ANK3: variants seen among roughly 807,000 people sequenced by gnomAD.
The protein encoded by ANK3 is ankyrin 3.
In ANK3, 57 loss-of-function variants were observed where a neutral mutation model predicts 370.9. The ratio of observed to expected loss-of-function variants is 0.15; its 90% CI spans 0.12 to 0.19. ANK3 has a LOEUF of 0.19. Ranked by LOEUF, ANK3 falls within the 10% of genes least tolerant of loss-of-function variation. The probability of loss-of-function intolerance (pLI) is 1.00; values close to 1 mark genes in which losing one functional copy is unlikely to be tolerated. For missense variants in ANK3, 4,439 were observed against 5,302.1 expected (o/e 0.84, Z 5.06); for synonymous variants, 1,929 against 1,946.3 (o/e 0.99, Z 0.23).
chr10:60,286,974 A>G (rs1455144500), intron 1 of ANK3, among the ~76,000 whole-genome samples: 1 of 152,178 alleles, frequency 6.6e-6, no homozygotes. Flanking sequence ...CTCAGGACAG[A>G]CTTTTTTCCC....
intron 1 of ANK3, among the ~76,000 whole-genome samples, chr10:60,381,849 T>G (rs1164189048): frequency 6.6e-6 from 1 of 152,164 alleles, no homozygotes; most frequent in African/African-American, 2.4e-5. Context: ...CACAGCTAAT[T>G]AGTAGCAGCT....
intron 8 of ANK3, among the ~76,000 whole-genome samples, chr10:60,214,575 T>C (rs1011265400): frequency 1.3e-5 from 2 of 151,416 alleles, no homozygotes; most frequent in South Asian, 2.1e-4. Flanking sequence ...TGTGTTCTCA[T>C]TGTTCATCTC....
At chr10:60,568,750 T>A (rs2077520906) in intron 2 of ANK3, among the ~76,000 whole-genome samples, 1 of 152,136 alleles carries the variant, frequency 6.6e-6, no homozygotes, top group African/African-American at 2.4e-5. Context: ...CCCAAATTTA[T>A]ATGTTAAAAT....
In ANK3 at chr10:60,263,820, T is replaced by A; in HGVS notation, c.699+15A>T. The A allele has an allele frequency of 6.2e-7, 1 of 1,613,076 alleles. No individual in the cohort carries two copies. Among genetic ancestry groups the A allele is most frequent in the Non-Finnish European group, 8.5e-7 (1 of 1,179,830 alleles). On this transcript the variant is annotated intron_variant, in intron 6 of 43. Transcript: ENST00000280772. Reference sequence around the variant, plus strand: ...CGGAGAGTTGCATGACAGGCCCGTGTCCCTCGTGCCTCACCTTTGATTCCA... The same window carrying A: ...CGGAGAGTTGCATGACAGGCCCGTGACCCTCGTGCCTCACCTTTGATTCCA...
At chr10:60,197,028 C>G (rs1209959694) in intron 14 of ANK3, among the ~76,000 whole-genome samples, 1 of 152,136 alleles carries the variant, frequency 6.6e-6, no homozygotes, top group Non-Finnish European at 1.5e-5. Flanking sequence ...GGGTCCCAGA[C>G]TCAGTTTGGA....
chr10:60,285,482 A>T (rs1204228979), intron 1 of ANK3, among the ~76,000 whole-genome samples: 1 of 152,072 alleles, frequency 6.6e-6, no homozygotes, highest in East Asian at 1.9e-4. Flanking sequence ...CTCCTCTTGT[A>T]ATGTTTGACA....
chr10:60,590,741 T>TACTC (rs937849072), intron 2 of ANK3, among the ~76,000 whole-genome samples: 2 of 152,248 alleles, frequency 1.3e-5, no homozygotes, highest in Non-Finnish European at 2.9e-5. Context: ...GCATATAACC[T>TACTC]ACTCACATGT....
At chr10:60,640,607 C>T (rs1313731210) in intron 1 of ANK3, among the ~76,000 whole-genome samples, 3 of 80,388 alleles carry the variant, frequency 3.7e-5, no homozygotes, top group Non-Finnish European at 5.6e-5. Flanking sequence ...GCTAAAAACT[C>T]TCAATAAATT....
intron 2 of ANK3, among the ~76,000 whole-genome samples, chr10:60,593,764 A>G (rs1567169720): frequency 6.6e-6 from 1 of 152,210 alleles, no homozygotes; most frequent in Non-Finnish European, 1.5e-5. Flanking sequence ...GGTGAAGTGG[A>G]TGGTTGCCTC....
At chr10:60,409,393 G>A (rs192474000) in intron 2 of ANK3, among the ~76,000 whole-genome samples, 50 of 152,206 alleles carry the variant, frequency 3.3e-4, no homozygotes, top group Admixed American at 2.6e-3. Flanking sequence ...AGCTCATGGC[G>A]GAGAATATCA....
rs150812723 is a variant in ANK3, at chr10:60,126,581, G to A, written c.2841+7690C>T. 4.1e-3 allele frequency among the ~76,000 whole-genome samples: 620 copies of A among 151,950 alleles called. 6 individuals carry two copies. Among genetic ancestry groups the A allele is most frequent in the Non-Finnish European group, 4.8e-3 (325 of 67,930 alleles). ...TGCATGGTTGTAATCCTAGCTACTG[G>A]GGAGGCTGAGGCATGAAAACTGCTT... On this transcript the variant is annotated intron_variant, in intron 25 of 43. Transcript: ENST00000280772.
At chr10:60,090,983 C>T (rs1275306754) in intron 28 of ANK3, among the ~76,000 whole-genome samples, 1 of 152,222 alleles carries the variant, frequency 6.6e-6, no homozygotes, top group Non-Finnish European at 1.5e-5. Context: ...CGGCTCACTG[C>T]AACCTCTGCC....
chr10:60,305,325 A>G (rs899505926), intron 1 of ANK3, among the ~76,000 whole-genome samples: 4 of 151,934 alleles, frequency 2.6e-5, no homozygotes, highest in Non-Finnish European at 4.4e-5. Context: ...TGTCCCTCAG[A>G]TCTTGTAGGC....
chr10:60,503,588 G>A (rs1173321691), intron 2 of ANK3, among the ~76,000 whole-genome samples: 2 of 152,152 alleles, frequency 1.3e-5, no homozygotes, highest in Admixed American at 1.3e-4. Flanking sequence ...TGGAACCCAG[G>A]ACTGAAGCTC....
chr10:60,652,750 C>G (rs1324677056), intron 1 of ANK3, among the ~76,000 whole-genome samples: 1 of 149,624 alleles, frequency 6.7e-6, no homozygotes, highest in Admixed American at 6.7e-5. Context: ...AGGTTCCAGT[C>G]TGATAACTTT....
intron 2 of ANK3, among the ~76,000 whole-genome samples, chr10:60,415,664 T>G (rs997209866): frequency 1.3e-5 from 2 of 152,152 alleles, no homozygotes; most frequent in African/African-American, 4.8e-5. Context: ...ATGAACCTGT[T>G]AATTTCCTAA....
At chr10:60,543,574 T>C (rs1035378222) in intron 2 of ANK3, among the ~76,000 whole-genome samples, 1 of 152,034 alleles carries the variant, frequency 6.6e-6, no homozygotes, top group Non-Finnish European at 1.5e-5. Flanking sequence ...ACACAGGCTA[T>C]CTCTGAAAGG....
At position 60,465,832 on chromosome 10, in the gene ANK3, A is replaced by G. The variant is rs1254043922; in HGVS notation, c.96+149354T>C. On this transcript the variant is annotated intron_variant, in intron 2 of 43. Transcript: ENST00000373827. Reference sequence around the variant, plus strand: ...CAAAAAAAGAGGACTTAGGATGAAGAGTTAGGGTATTTCATTGGGAAAAGT... The same window carrying G: ...CAAAAAAAGAGGACTTAGGATGAAGGGTTAGGGTATTTCATTGGGAAAAGT... 2.1e-5 allele frequency among the ~76,000 whole-genome samples: 3 copies of G among 142,350 alleles called. No individual in the cohort carries two copies. The Admixed American group carries it at 2.1e-4, about 10-fold the overall frequency. 93.4% of individuals were successfully genotyped at this position (142,350 alleles called of 152,430 possible). A position where few individuals can be genotyped will look rare whatever the true frequency, so the allele number is the denominator to read the frequency against.
chr10:60,472,714 C>T (rs897123503), intron 2 of ANK3, among the ~76,000 whole-genome samples: 15 of 152,054 alleles, frequency 9.9e-5, no homozygotes, highest in Admixed American at 9.2e-4. Flanking sequence ...CAACAGCAAC[C>T]GCACAAGCAT....
Sources: allele counts gnomAD v4.1 joint callset (sites outside exome capture counted in the v4.1 genomes callset), GRCh38; gene constraint gnomAD v4.1.1; transcripts MANE v1.5; gene names NCBI Gene and HGNC (gene_info 2026-07-23, HGNC 2026-07-21).